The following TRAPPC9 variants were observed in gnomAD, a reference collection of about 807,000 sequenced individuals.
The protein encoded by TRAPPC9 is IKK2 binding protein.
TRAPPC9 carries 83 observed loss-of-function variants against 124.0 expected under a neutral mutation model. That is an observed-to-expected ratio of 0.67 (90% CI 0.56 to 0.80). The LOEUF (loss-of-function observed/expected upper bound fraction) is 0.80, where lower values mean the gene tolerates loss of function less well. TRAPPC9 is among the 30% of genes least tolerant of loss of function. The pLI, the probability that TRAPPC9 is intolerant of heterozygous loss-of-function variation, is 0.00. For missense variants in TRAPPC9, 1,302 were observed against 1,508.3 expected (o/e 0.86, Z 2.27); for synonymous variants, 638 against 617.5 (o/e 1.03, Z -0.49).
chr8:140,222,352 T>C (rs1237187299), intron 16 of TRAPPC9, among the ~76,000 whole-genome samples: 1 of 152,212 alleles, frequency 6.6e-6, no homozygotes, highest in Non-Finnish European at 1.5e-5. Context: ...AACCCACGAA[T>C]CATCTTTAAG....
chr8:140,287,442 C>A (rs1327884389), intron 13 of TRAPPC9, among the ~76,000 whole-genome samples, 166 bp downstream of exon 13: 1 of 152,122 alleles, frequency 6.6e-6, no homozygotes, highest in Non-Finnish European at 1.5e-5. Context: ...ACACATCCCG[C>A]ACCCCACGAA....
intron 19 of TRAPPC9, among the ~76,000 whole-genome samples, chr8:139,922,288 G>T (rs572969935): frequency 6.6e-6 from 1 of 152,026 alleles, no homozygotes; most frequent in Non-Finnish European, 1.5e-5. Flanking sequence ...GGTTCAAGCG[G>T]TTCTCCTGTT....
intron 21 of TRAPPC9, among the ~76,000 whole-genome samples, chr8:139,884,869 C>G (rs1240013563): frequency 2.6e-5 from 4 of 152,210 alleles, no homozygotes; most frequent in African/African-American, 9.7e-5. Flanking sequence ...CTGGTCCCGA[C>G]AGCTTTCACC....
chr8:140,284,957 T>C (rs2065442717), intron 13 of TRAPPC9, among the ~76,000 whole-genome samples: 2 of 152,254 alleles, frequency 1.3e-5, no homozygotes, highest in Admixed American at 6.5e-5. Context: ...ATGTCCTTTC[T>C]ATAAAACCTG....
intron 15 of TRAPPC9, among the ~76,000 whole-genome samples, chr8:140,259,455 A>G (rs973155741): frequency 6.6e-6 from 1 of 152,184 alleles, no homozygotes; most frequent in Non-Finnish European, 1.5e-5. Context: ...TACAAACCCC[A>G]GCTTCAGGAC....
intron 5 of TRAPPC9, among the ~76,000 whole-genome samples, chr8:140,419,286 G>A (rs894737013): frequency 7.2e-5 from 11 of 151,728 alleles, no homozygotes; most frequent in East Asian, 2.0e-4. Context: ...AAAATTAGCC[G>A]CGCGTGGTGG....
chr8:140,164,887 A>G (rs2130909443), intron 17 of TRAPPC9, among the ~76,000 whole-genome samples: 1 of 152,164 alleles, frequency 6.6e-6, no homozygotes, highest in Admixed American at 6.5e-5. Context: ...AGCCCGCATC[A>G]TCTCTCACCC....
chr8:140,281,962 C>T (rs1297217569), intron 14 of TRAPPC9, among the ~76,000 whole-genome samples: 2 of 152,170 alleles, frequency 1.3e-5, no homozygotes, highest in Non-Finnish European at 2.9e-5. Flanking sequence ...GCATCACAGT[C>T]CTGACGACAG....
chr8:140,033,655 GTGGTTTTTTTT>G (rs1563706455), intron 17 of TRAPPC9, among the ~76,000 whole-genome samples: 4 of 55,444 alleles, frequency 7.2e-5, no homozygotes, highest in Admixed American at 2.5e-4. Context: ...TCTTCATAAT[GTGGTTTTTTTT>G]TTTTTTTTTT....
intron 21 of TRAPPC9, among the ~76,000 whole-genome samples, chr8:139,737,385 C>T (rs1184114038): frequency 6.8e-6 from 1 of 147,120 alleles, no homozygotes; most frequent in East Asian, 2.1e-4. Flanking sequence ...GGGATGCCAG[C>T]GCATGTGTCC....
intron 2 of TRAPPC9, among the ~76,000 whole-genome samples, chr8:140,439,548 ACTT>A (rs1199718341): frequency 6.6e-6 from 1 of 152,240 alleles, no homozygotes; most frequent in East Asian, 1.9e-4. Context: ...ATTATCTTCC[ACTT>A]CTTAACATCA....
intron 1 of TRAPPC9, among the ~76,000 whole-genome samples, chr8:140,451,635 T>C (rs532356635): frequency 5.3e-5 from 8 of 152,328 alleles, no homozygotes; most frequent in Admixed American, 2.0e-4. Flanking sequence ...CTTGTCTTTC[T>C]ATTCTCACCA....
At chr8:139,960,120 G>A (rs551068671) in intron 19 of TRAPPC9, among the ~76,000 whole-genome samples, 1 of 152,326 alleles carries the variant, frequency 6.6e-6, no homozygotes, top group Non-Finnish European at 1.5e-5. Flanking sequence ...TGCCCAAGAT[G>A]GATGGCAAAT....
intron 5 of TRAPPC9, among the ~76,000 whole-genome samples, chr8:140,425,357 G>C (rs933671167): frequency 6.6e-6 from 1 of 152,138 alleles, no homozygotes; most frequent in Non-Finnish European, 1.5e-5. Context: ...ACCAAACACT[G>C]GTTTCTGGGT....
intron 3 of TRAPPC9, among the ~76,000 whole-genome samples, chr8:140,438,761 C>T (rs2070906417): frequency 6.6e-6 from 1 of 152,098 alleles, no homozygotes; most frequent in Non-Finnish European, 1.5e-5. Flanking sequence ...TGTGCAACCT[C>T]TGCTCACTGC....
chr8:139,939,105 C>T (rs1325745234), intron 19 of TRAPPC9, among the ~76,000 whole-genome samples: 3 of 152,228 alleles, frequency 2.0e-5, no homozygotes, highest in Admixed American at 6.5e-5. Context: ...GCCATTCAAA[C>T]ATGACTTGTA....
chr8:140,135,807 A>T (rs1563788385), intron 17 of TRAPPC9, among the ~76,000 whole-genome samples: 1 of 152,208 alleles, frequency 6.6e-6, no homozygotes, highest in Non-Finnish European at 1.5e-5. Context: ...ACAATTTTTT[A>T]AAAGAGAGAA....
At chr8:140,187,821 C>T (rs188192968) in intron 17 of TRAPPC9, among the ~76,000 whole-genome samples, 3 of 152,266 alleles carry the variant, frequency 2.0e-5, no homozygotes, top group African/African-American at 7.2e-5. Flanking sequence ...ACCACAGGCA[C>T]ACACCATCAT....
intron 12 of TRAPPC9, among the ~76,000 whole-genome samples, chr8:140,289,832 GC>G (rs2065596631): frequency 6.6e-6 from 1 of 152,174 alleles, no homozygotes; most frequent in African/African-American, 2.4e-5. Flanking sequence ...GTCAGTCCTC[GC>G]CCAACAGGAG....
Sources: allele counts gnomAD v4.1 joint callset (sites outside exome capture counted in the v4.1 genomes callset), GRCh38; gene constraint gnomAD v4.1.1; transcripts MANE v1.5; gene names NCBI Gene and HGNC (gene_info 2026-07-23, HGNC 2026-07-21).